The following MED12L variants were observed in gnomAD, a reference collection of about 807,000 sequenced individuals.
MED12L encodes the protein mediator complex subunit 12L.
In MED12L, 60 loss-of-function variants were observed where a neutral mutation model predicts 281.3. The ratio of observed to expected loss-of-function variants is 0.21; its 90% CI spans 0.17 to 0.26. The LOEUF (loss-of-function observed/expected upper bound fraction) is 0.26. Ranked by LOEUF, MED12L falls within the 10% of genes least tolerant of loss-of-function variation. The pLI is 1.00. For missense variants in MED12L, 2,146 were observed against 2,680.9 expected, an observed-to-expected ratio of 0.80 and a Z score of 4.41; for synonymous variants, 974 against 987.2, an observed-to-expected ratio of 0.99 and a Z score of 0.25.
intron 16 of MED12L, among the ~76,000 whole-genome samples, chr3:151,238,055 A>G (rs1448944992): frequency 6.6e-6 from 1 of 152,220 alleles, no homozygotes; most frequent in Non-Finnish European, 1.5e-5. Flanking sequence ...GGATCAAATT[A>G]TCGTTTTTTT....
intron 42 of MED12L, among the ~76,000 whole-genome samples, chr3:151,415,446 A>G (rs759302641): frequency 3.3e-5 from 5 of 152,198 alleles, no homozygotes; most frequent in Non-Finnish European, 7.3e-5. Context: ...GGATCATGCT[A>G]CCCAGACCTC....
At chr3:151,216,321 A>G (rs16863250) in intron 16 of MED12L, among the ~76,000 whole-genome samples, 8,843 of 152,264 alleles carry the variant, frequency 0.058, 777 homozygotes, top group African/African-American at 0.19. Flanking sequence ...CAGAGAATGC[A>G]TCTTTTTCAT....
intron 16 of MED12L, among the ~76,000 whole-genome samples, chr3:151,208,257 G>A (rs1576971888): frequency 6.6e-6 from 1 of 152,130 alleles, no homozygotes; most frequent in Non-Finnish European, 1.5e-5. Flanking sequence ...GCTTTTATAA[G>A]GATTATGTTC....
chr3:151,202,931 A>C (rs1725836546), intron 16 of MED12L, among the ~76,000 whole-genome samples: 1 of 152,230 alleles, frequency 6.6e-6, no homozygotes, highest in African/African-American at 2.4e-5. Flanking sequence ...TTCATCAGAT[A>C]TAAGAAAATT....
chr3:151,379,878 T>A (rs7616382), intron 31 of MED12L, among the ~76,000 whole-genome samples: 136,711 of 152,274 alleles, frequency 0.9, 61,520 homozygotes, highest in African/African-American at 0.96. Flanking sequence ...TGCAGTATGG[T>A]TTGATGCTAG....
chr3:151,107,672 C>CA (rs1422814825), intron 2 of MED12L, among the ~76,000 whole-genome samples: 1 of 152,040 alleles, frequency 6.6e-6, no homozygotes, highest in Non-Finnish European at 1.5e-5. Flanking sequence ...AGTTAAAATA[C>CA]AAAAATAGAA....
Position 151,385,472 on chromosome 3 carries a change from TA to T in MED12L, c.5088+291del, listed in dbSNP as rs561512874. ...GAGAAAACTAAGTAAAAGCTTAGTG[TA>T]AAAAAAAAATTGCATAAATAAGTTC... On this transcript the variant is annotated intron_variant, in intron 36 of 44. Coordinates refer to ENST00000687756, the MANE Select transcript of MED12L (RefSeq NM_001393769.1). Among the ~76,000 whole-genome samples the T allele has an allele frequency of 4.1e-3, 609 of 149,762 alleles. 4 individuals are homozygous for T. The highest frequency in any genetic ancestry group is 0.014 in the African/African-American group (579 of 40,986).
Position 151,361,549 on chromosome 3 carries a change from A to G in MED12L, c.2957+944A>G, listed in dbSNP as rs142858735. On this transcript the variant is annotated intron_variant, in intron 21 of 44. Coordinates refer to ENST00000687756, the MANE Select transcript of MED12L (RefSeq NM_001393769.1). ...TGATAGTAGTATTTGATTCCTGTCAATACATCTTATTGCTGAAGGAATATT... is the reference window on the plus strand; with the variant it reads ...TGATAGTAGTATTTGATTCCTGTCAGTACATCTTATTGCTGAAGGAATATT... Among the ~76,000 whole-genome samples the G allele has an allele frequency of 9.4e-4, 143 of 152,312 alleles. 1 individual carries two copies. The highest frequency in any genetic ancestry group is 3.1e-3 in the South Asian group (15 of 4,824).
At chr3:151,396,497 C>T (rs1714990120) in intron 39 of MED12L, among the ~76,000 whole-genome samples, 1 of 152,074 alleles carries the variant, frequency 6.6e-6, no homozygotes, top group South Asian at 2.1e-4. Flanking sequence ...TAGAGCATGC[C>T]ACACTGTAGT....
chr3:151,420,757 C>T (rs1239001950), intron 43 of MED12L, among the ~76,000 whole-genome samples: 1 of 152,198 alleles, frequency 6.6e-6, no homozygotes, highest in Non-Finnish European at 1.5e-5. Context: ...CACCGCTGCA[C>T]TTCTTTAGCT....
chr3:151,152,090 T>G (rs1489515048), intron 5 of MED12L, among the ~76,000 whole-genome samples: 84 of 61,246 alleles, frequency 1.4e-3, no homozygotes, highest in South Asian at 6.8e-3. Flanking sequence ...AGGTGGTTTT[T>G]TTTTTTTTTT....
intron 16 of MED12L, among the ~76,000 whole-genome samples, chr3:151,265,200 C>T (rs183433413): frequency 4.1e-4 from 62 of 152,218 alleles, no homozygotes; most frequent in East Asian, 3.3e-3. Flanking sequence ...GAGCCAAAGA[C>T]GGAATAAACA....
intron 5 of MED12L, among the ~76,000 whole-genome samples, chr3:151,151,031 C>CTTTTGTTTTTTTTTTT (rs1718400515): frequency 3.0e-5 from 1 of 32,880 alleles, no homozygotes; most frequent in Non-Finnish European, 5.4e-5. Context: ...GCTGAAGTAG[C>CTTTTGTTTTTTTTTTT]TTTTTTTTTT....
chr3:151,138,060 A>G (rs1405486188), intron 5 of MED12L, among the ~76,000 whole-genome samples: 1 of 152,176 alleles, frequency 6.6e-6, no homozygotes, highest in Non-Finnish European at 1.5e-5. Context: ...ATTTCTTACT[A>G]GTTTTTAATC....
intron 4 of MED12L, 115 bp downstream of exon 4, chr3:151,123,089 C>A: frequency 1.1e-6 from 1 of 896,962 alleles, no homozygotes; most frequent in Non-Finnish European, 1.6e-6. Context: ...AGCCTATTGG[C>A]AGGTTTGTGG....
chr3:151,283,787 A>G (rs1743114622), intron 16 of MED12L, among the ~76,000 whole-genome samples: 1 of 152,260 alleles, frequency 6.6e-6, no homozygotes, highest in African/African-American at 2.4e-5. Flanking sequence ...AATGGAAATT[A>G]TCTGAGAACA....
intron 2 of MED12L, among the ~76,000 whole-genome samples, chr3:151,107,597 G>A (rs1311622156): frequency 6.6e-6 from 1 of 152,140 alleles, no homozygotes; most frequent in African/African-American, 2.4e-5. Context: ...ATGGCATGAT[G>A]TAAGGCTTAG....
intron 16 of MED12L, among the ~76,000 whole-genome samples, chr3:151,229,767 C>T (rs7620353): frequency 0.87 from 131,649 of 152,118 alleles, 57,204 homozygotes; most frequent in African/African-American, 0.95. Context: ...GCCAGGCGAA[C>T]TGAGCAATTC....
intron 43 of MED12L, 114 bp from the exon 44 acceptor site, chr3:151,430,185 T>C: frequency 1.4e-6 from 2 of 1,464,862 alleles, no homozygotes; most frequent in Non-Finnish European, 1.8e-6. Context: ...ATAGCCCTTT[T>C]TTCGTGAAGT....
Sources: allele counts gnomAD v4.1 joint callset (sites outside exome capture counted in the v4.1 genomes callset), GRCh38; gene constraint gnomAD v4.1.1; transcripts MANE v1.5; gene names NCBI Gene and HGNC (gene_info 2026-07-23, HGNC 2026-07-21).